The following ZNF536 variants were observed in gnomAD, a reference collection of about 807,000 sequenced individuals.
ZNF536 encodes zinc finger protein 536.
In ZNF536, 13 loss-of-function variants were observed where a neutral mutation model predicts 84.5. The observed-to-expected ratio is 0.15, with a 90% CI of 0.10 to 0.24. The LOEUF is 0.24. Ranked by LOEUF, ZNF536 falls within the 10% of genes least tolerant of loss-of-function variation. ZNF536 has a pLI of 1.00. For synonymous variants in ZNF536, 811 were observed against 742.5 expected (o/e 1.09, Z -1.50); for missense variants, 1,536 against 1,747.5 (o/e 0.88, Z 2.16).
intron 1 of ZNF536, among the ~76,000 whole-genome samples, chr19:30,250,079 A>G (rs1453369539): frequency 6.6e-6 from 1 of 152,212 alleles, no homozygotes; most frequent in East Asian, 1.9e-4. Flanking sequence ...GGCAGTCACA[A>G]GCAGCTCGGA....
intron 1 of ZNF536, among the ~76,000 whole-genome samples, chr19:30,625,818 G>A (rs2048654927): frequency 6.6e-6 from 1 of 152,190 alleles, no homozygotes; most frequent in Admixed American, 6.5e-5. Flanking sequence ...CATGCCCTTT[G>A]GGGGTTGGAG....
At chr19:30,553,165 T>C (rs1459344829) in intron 4 of ZNF536, among the ~76,000 whole-genome samples, 3 of 152,216 alleles carry the variant, frequency 2.0e-5, no homozygotes, top group African/African-American at 7.2e-5. Flanking sequence ...TGTAATGGGA[T>C]AGACTCCACA....
chr19:30,256,352 A>G (rs1272442580), intron 1 of ZNF536, among the ~76,000 whole-genome samples: 1 of 152,190 alleles, frequency 6.6e-6, no homozygotes, highest in Non-Finnish European at 1.5e-5. Flanking sequence ...GGATCAGCCC[A>G]TCTATCATTA....
rs145980585 is a variant in ZNF536 at position 30,524,857 on chromosome 19, C to T, written c.2171-9990C>T. Among the ~76,000 whole-genome samples the T allele has an allele frequency of 3.4e-4, 51 of 152,100 alleles. No individual in the cohort carries two copies. The East Asian group carries it at 9.5e-3, about 28-fold the overall frequency. On this transcript the variant is annotated intron_variant, in intron 2 of 4. Coordinates refer to ENST00000355537, the MANE Select transcript of ZNF536 (RefSeq NM_014717.3). ...AAGTAGAGGCTTATACTATAATTTT[C>T]ATTTTTTGTTTAAAGAAAGGAGTAC...
chr19:30,442,907 T>C (rs2052121588), intron 1 of ZNF536, among the ~76,000 whole-genome samples: 1 of 152,242 alleles, frequency 6.6e-6, no homozygotes, highest in African/African-American at 2.4e-5. Context: ...TAATGAGATA[T>C]TACTGCACTT....
At chr19:30,348,680 A>T (rs149337146) in intron 2 of ZNF536, among the ~76,000 whole-genome samples, 1 of 152,280 alleles carries the variant, frequency 6.6e-6, no homozygotes, top group East Asian at 1.9e-4. Context: ...CTCATGAGGG[A>T]TGCACACAGA....
At chr19:30,657,837 G>A (rs1172339201) in intron 1 of ZNF536, among the ~76,000 whole-genome samples, 1 of 152,138 alleles carries the variant, frequency 6.6e-6, no homozygotes, top group Non-Finnish European at 1.5e-5. Context: ...AATCAATCCA[G>A]AATCCTTCTT....
chr19:30,659,948 CA>C (rs5827724), intron 1 of ZNF536, among the ~76,000 whole-genome samples: 34,010 of 148,690 alleles, frequency 0.23, 4,621 homozygotes, highest in African/African-American at 0.39. Context: ...CTGTTTGACA[CA>C]AGGGTGTGTG....
At chr19:30,538,736 G>A (rs574912012) in intron 3 of ZNF536, among the ~76,000 whole-genome samples, 2 of 152,324 alleles carry the variant, frequency 1.3e-5, no homozygotes, top group South Asian at 2.1e-4. Context: ...ACCCAGAGGT[G>A]GCTGAACTTC....
intron 1 of ZNF536, among the ~76,000 whole-genome samples, chr19:30,414,093 CAAAA>C (rs55650802): frequency 1.2e-5 from 1 of 82,914 alleles, no homozygotes; most frequent in Non-Finnish European, 2.2e-5. Context: ...GACTCTGTCT[CAAAA>C]AAAAAAAAAA....
intron 1 of ZNF536, among the ~76,000 whole-genome samples, chr19:30,672,047 G>A (rs1169625004): frequency 1.3e-5 from 2 of 152,236 alleles, no homozygotes; most frequent in African/African-American, 4.8e-5. Context: ...GGCCGTCCAG[G>A]CCTTCACTTG....
rs2144924252 is a variant in ZNF536, at chr19:30,484,011, T to G, written c.2170+38279T>G. Among the ~76,000 whole-genome samples, 3 of 152,234 alleles carry G rather than the reference T, an allele frequency of 2.0e-5. No individual in the cohort carries two copies. In the East Asian group the frequency reaches 5.8e-4, roughly 29 times the overall value. On this transcript the variant is annotated intron_variant, in intron 2 of 4. Transcript: ENST00000355537. ...CCCAATTCTTTGCCAGGCTGACTTC[T>G]GCCTTCCTTTGGAAGTCATCCCCCT...
At position 30,445,878 on chromosome 19, in the gene ZNF536, TTCTTTCCCC is replaced by T; in HGVS notation, c.2170+147_2170+155del. 4.4e-6 allele frequency: 5 copies of T among 1,147,636 alleles called. No individual in the cohort carries two copies. The highest frequency in any genetic ancestry group is 5.9e-6 in the Non-Finnish European group (5 of 850,038). 71.1% of individuals were successfully genotyped at this position (1,147,636 alleles called of 1,614,324 possible). A position where few individuals can be genotyped will look rare whatever the true frequency, so the allele number is the denominator to read the frequency against. On this transcript the variant is annotated intron_variant, in intron 2 of 4. Transcript: ENST00000355537. The surrounding 1 kb of genome is among the most constrained non-coding windows in gnomAD (Gnocchi z 4.5). ...GTGGGTTGGACACTGGGCCATGCCT[TTCTTTCCCC>T]CCCTGACTGGAGGGAAAGGGCCGTC...
At position 30,626,885 on chromosome 19, in the gene ZNF536, C is replaced by T. The variant is rs928109974; in HGVS notation, c.169+77371C>T. On this transcript the variant is annotated intron_variant, in intron 1 of 1. Coordinates refer to the ZNF536 transcript ENST00000592773. ...GGTGTTGCATTTGGGAAGCCCTAACCTCCAGGCTGCCCTCCCGTCCTTCCC... is the reference window on the plus strand; with the variant it reads ...GGTGTTGCATTTGGGAAGCCCTAACTTCCAGGCTGCCCTCCCGTCCTTCCC... Among the ~76,000 whole-genome samples the T allele has an allele frequency of 5.2e-4, 79 of 152,244 alleles. 1 individual carries two copies. Among genetic ancestry groups the T allele is most frequent in the Non-Finnish European group, 2.9e-5 (2 of 68,050 alleles).
intron 2 of ZNF536, among the ~76,000 whole-genome samples, chr19:30,513,152 C>T (rs990211127): frequency 1.3e-5 from 2 of 151,962 alleles, no homozygotes; most frequent in Non-Finnish European, 2.9e-5. Context: ...GAATCAAAAC[C>T]ACAAAACAAT....
At chr19:30,259,810 T>C (rs529179084) in intron 1 of ZNF536, among the ~76,000 whole-genome samples, 2 of 152,220 alleles carry the variant, frequency 1.3e-5, no homozygotes, top group Admixed American at 6.5e-5. Context: ...TGGAGTGCAG[T>C]GGTGCGATCT....
intron 1 of ZNF536, among the ~76,000 whole-genome samples, chr19:30,372,938 G>C (rs1395011373): frequency 1.3e-5 from 2 of 150,594 alleles, no homozygotes; most frequent in Admixed American, 1.3e-4. Flanking sequence ...CAGACTCCCT[G>C]GGCAAAGATT....
chr19:30,432,903 G>A (rs768186484), intron 1 of ZNF536, among the ~76,000 whole-genome samples: 10 of 152,270 alleles, frequency 6.6e-5, no homozygotes, highest in East Asian at 1.9e-4. Flanking sequence ...GACCTCAGCC[G>A]TTGGCGTCTT....
At chr19:30,264,689 C>T (rs2025408210) in intron 1 of ZNF536, among the ~76,000 whole-genome samples, 1 of 152,048 alleles carries the variant, frequency 6.6e-6, no homozygotes, top group Non-Finnish European at 1.5e-5. Context: ...CTGGTGAGCA[C>T]GTCTCACAGG....
Sources: allele counts gnomAD v4.1 joint callset (sites outside exome capture counted in the v4.1 genomes callset), GRCh38; gene constraint gnomAD v4.1.1; non-coding constraint Gnocchi (gnomAD v3.1); transcripts MANE v1.5; gene names NCBI Gene and HGNC (gene_info 2026-07-23, HGNC 2026-07-21).